The following HPSE2 variants were observed in gnomAD, a reference collection of about 807,000 sequenced individuals.
The protein encoded by HPSE2 is heparanase 2 (inactive), also known as inactive heparanase-2.
In HPSE2, 38 loss-of-function variants were observed where a neutral mutation model predicts 60.5. That is an observed-to-expected ratio of 0.63 (90% CI 0.48 to 0.82). HPSE2 has a LOEUF of 0.82. Ranked by LOEUF, HPSE2 falls within the 40% of genes least tolerant of loss-of-function variation. The probability of loss-of-function intolerance (pLI) is 0.00; values close to 1 mark genes in which losing one functional copy is unlikely to be tolerated. For missense variants in HPSE2, 713 were observed against 740.4 expected, an observed-to-expected ratio of 0.96 and a Z score of 0.43; for synonymous variants, 295 against 293.2, an observed-to-expected ratio of 1.01 and a Z score of -0.06.
At chr10:99,247,105 A>G in the HPSE2 span, among the ~76,000 whole-genome samples, 1 of 152,238 alleles carries the variant, frequency 6.6e-6, no homozygotes, top group Non-Finnish European at 1.5e-5. Context: ...TCATTTAAGA[A>G]AATCAAGAAC....
intron 3 of HPSE2, among the ~76,000 whole-genome samples, chr10:99,139,377 A>G (rs1375617188): frequency 6.6e-6 from 1 of 152,178 alleles, no homozygotes; most frequent in African/African-American, 2.4e-5. Flanking sequence ...CTCAGACTTC[A>G]TCACTATACA....
At chr10:98,501,551 C>T (rs765910732) in intron 9 of HPSE2, among the ~76,000 whole-genome samples, 2 of 152,172 alleles carry the variant, frequency 1.3e-5, no homozygotes, top group African/African-American at 2.4e-5. Context: ...GGACATACCT[C>T]AATGTAATAA....
intron 3 of HPSE2, among the ~76,000 whole-genome samples, chr10:98,857,841 T>C (rs1417689287): frequency 2.0e-5 from 3 of 152,300 alleles, no homozygotes; most frequent in Admixed American, 6.5e-5. Context: ...ATAGAGTCTT[T>C]TCTAGATTAT....
chr10:98,656,195 T>C, intron 6 of HPSE2, among the ~76,000 whole-genome samples: 1 of 152,124 alleles, frequency 6.6e-6, no homozygotes. Context: ...TAAGCGATTT[T>C]CCTTCCTCAC....
At chr10:99,287,433 T>G in the HPSE2 span, among the ~76,000 whole-genome samples, 1 of 152,076 alleles carries the variant, frequency 6.6e-6, no homozygotes, top group Non-Finnish European at 1.5e-5. Flanking sequence ...GAGTCCCAGT[T>G]GAGCAGAAAT....
chr10:98,583,332 C>T (rs996107180), intron 9 of HPSE2, among the ~76,000 whole-genome samples: 2 of 152,320 alleles, frequency 1.3e-5, no homozygotes, highest in Middle Eastern at 3.4e-3. Flanking sequence ...GAGCCGCTTG[C>T]TCGAGCTAAC....
rs192839752 is a variant in HPSE2 at position 98,747,937 on chromosome 10, A to T, written c.611-3881T>A. 3.6e-3 allele frequency among the ~76,000 whole-genome samples: 552 copies of T among 152,262 alleles called. 7 individuals carry two copies. Among genetic ancestry groups the T allele is most frequent in the Non-Finnish European group, 4.5e-3 (307 of 68,018 alleles). ...CATGCCGAAGAGTTCTCAAGGCCCA[A>T]ATCCTTTGTGTTGCATAAAAGTGGC... On this transcript the variant is annotated intron_variant, in intron 3 of 11. Transcript: ENST00000370552.
At chr10:98,779,573 C>A (rs1950419415) in intron 3 of HPSE2, among the ~76,000 whole-genome samples, 1 of 152,152 alleles carries the variant, frequency 6.6e-6, no homozygotes, top group South Asian at 2.1e-4. Flanking sequence ...TAAGCTCTAA[C>A]AGAGTTATCT....
At chr10:99,164,265 ATATATATATATATATATG>A (rs1846973227) in intron 2 of HPSE2, among the ~76,000 whole-genome samples, 1 of 119,352 alleles carries the variant, frequency 8.4e-6, no homozygotes, top group South Asian at 2.5e-4. Flanking sequence ...ATATATATAT[ATATATATATATATATATG>A]AACTTATGAA....
chr10:99,180,958 T>C (rs1476271459), intron 2 of HPSE2, among the ~76,000 whole-genome samples: 2 of 151,184 alleles, frequency 1.3e-5, no homozygotes, highest in Non-Finnish European at 2.9e-5. Context: ...AGGAACACTT[T>C]TACACTGTTG....
At chr10:99,082,322 A>G (rs1219076480) in intron 3 of HPSE2, among the ~76,000 whole-genome samples, 1 of 152,218 alleles carries the variant, frequency 6.6e-6, no homozygotes, top group Non-Finnish European at 1.5e-5. Context: ...AAAGACCTCA[A>G]AGATAATTAC....
chr10:98,801,637 T>A (rs150321048), intron 3 of HPSE2, among the ~76,000 whole-genome samples: 225 of 151,860 alleles, frequency 1.5e-3, no homozygotes, highest in African/African-American at 5.1e-3. Flanking sequence ...AAATTTCAAA[T>A]AAGTGAAATA....
chr10:98,752,141 G>C (rs2134356760), intron 3 of HPSE2, among the ~76,000 whole-genome samples: 1 of 151,980 alleles, frequency 6.6e-6, no homozygotes, highest in African/African-American at 2.4e-5. Context: ...TTCTTATCTA[G>C]GTTTATGAAA....
chr10:98,981,242 A>T (rs947956704), intron 3 of HPSE2, among the ~76,000 whole-genome samples: 1 of 152,190 alleles, frequency 6.6e-6, no homozygotes, highest in Non-Finnish European at 1.5e-5. Flanking sequence ...TTTTAAAACA[A>T]TTTAATTCCT....
At chr10:99,283,200 AAAAAAAAAAAAAAAAAC>A in the HPSE2 span, among the ~76,000 whole-genome samples, 1 of 30,050 alleles carries the variant, frequency 3.3e-5, no homozygotes, top group African/African-American at 2.2e-4. Flanking sequence ...TAAAAAAAAA[AAAAAAAAAAAAAAAAAC>A]AGAAGGATTT....
intron 3 of HPSE2, among the ~76,000 whole-genome samples, chr10:98,963,935 A>G (rs1383111358): frequency 6.7e-6 from 1 of 149,868 alleles, no homozygotes; most frequent in African/African-American, 2.4e-5. Flanking sequence ...AGAACACAGA[A>G]TAGCAGAGTC....
intron 6 of HPSE2, among the ~76,000 whole-genome samples, chr10:98,681,184 G>A (rs996997565): frequency 3.3e-5 from 5 of 151,790 alleles, no homozygotes; most frequent in African/African-American, 7.3e-5. Flanking sequence ...TGAGCTTGTC[G>A]AGAAAAACAT....
intron 3 of HPSE2, among the ~76,000 whole-genome samples, chr10:98,813,308 C>A (rs1441330658): frequency 6.6e-6 from 1 of 152,076 alleles, no homozygotes; most frequent in African/African-American, 2.4e-5. Flanking sequence ...ATCAAAAATT[C>A]CAGAAATTCT....
intron 5 of HPSE2, among the ~76,000 whole-genome samples, chr10:98,701,578 C>T (rs1589668719): frequency 6.6e-6 from 1 of 151,580 alleles, no homozygotes; most frequent in South Asian, 2.1e-4. Context: ...CAGCATGGCA[C>T]ATGTATACAT....
Sources: gnomAD v4.1 joint callset for allele counts (sites outside exome capture counted in the v4.1 genomes callset) on GRCh38, gnomAD v4.1.1 for gene constraint, MANE v1.5 for transcripts, NCBI Gene and HGNC (gene_info 2026-07-23, HGNC 2026-07-21) for gene names.